ZDHHC18: variants seen among roughly 807,000 people sequenced by gnomAD.
ZDHHC18 encodes the protein palmitoyltransferase ZDHHC18.
ZDHHC18 carries 23 observed loss-of-function variants against 37.5 expected under a neutral mutation model. The ratio of observed to expected loss-of-function variants is 0.61; its 90% CI spans 0.44 to 0.87. The LOEUF is 0.87. Ranked by LOEUF, ZDHHC18 falls within the 40% of genes least tolerant of loss-of-function variation. The pLI is 0.00. For missense variants in ZDHHC18, 406 were observed against 525.6 expected, an observed-to-expected ratio of 0.77 and a Z score of 2.22; for synonymous variants, 185 against 218.7, an observed-to-expected ratio of 0.85 and a Z score of 1.36.
chr1:26,847,068 TG>T (rs1486138536), intron 2 of ZDHHC18, among the ~76,000 whole-genome samples: 5 of 151,350 alleles, frequency 3.3e-5, no homozygotes, highest in Non-Finnish European at 7.4e-5. Context: ...GTTAATTTTT[TG>T]TATTTTTAGT....
intron 2 of ZDHHC18, among the ~76,000 whole-genome samples, chr1:26,843,250 C>A (rs957033283): frequency 7.3e-5 from 11 of 150,330 alleles, no homozygotes; most frequent in Admixed American, 2.0e-4. Context: ...TCAAGCAATT[C>A]TCCTTTCTCA....
chr1:26,849,034 C>G (rs529837869), intron 3 of ZDHHC18, among the ~76,000 whole-genome samples: 3 of 152,320 alleles, frequency 2.0e-5, no homozygotes, highest in African/African-American at 7.2e-5. Context: ...ACCCTTCTCC[C>G]AGGCTTCAGC....
chr1:26,829,113 T>C (rs2081572196), intron 1 of ZDHHC18, among the ~76,000 whole-genome samples: 1 of 152,130 alleles, frequency 6.6e-6, no homozygotes, highest in Non-Finnish European at 1.5e-5. Context: ...CATTGGGGGC[T>C]GGTAGATTGG....
In ZDHHC18 at chr1:26,853,946, C is replaced by G; in HGVS notation, c.*103C>G. The G allele has an allele frequency of 1.0e-6, 1 of 995,924 alleles. No individual in the cohort carries two copies. Among genetic ancestry groups the G allele is most frequent in the Non-Finnish European group, 1.5e-6 (1 of 650,428 alleles). The allele number at this position is 995,924 out of a possible 1,614,324, so 61.7% of individuals were successfully genotyped here. A position where few individuals can be genotyped will look rare whatever the true frequency, so the allele number is the denominator to read the frequency against. On this transcript the variant is annotated 3_prime_UTR_variant, in exon 8 of 8. Coordinates refer to ENST00000374142, the MANE Select transcript of ZDHHC18 (RefSeq NM_032283.3). ...AAGGGAAGCAGAACTGCCAAAGACT[C>G]AAGTCTTTTCATATTTATTTCCCAT...
chr1:26,856,549 T>A lies in ZDHHC18; in HGVS notation c.*2706T>A, dbSNP rs572599148. Reference sequence around the variant, plus strand: ...GTGGAGGGTGAGGCTGGGGAGAGGATGGCGAACCTGCCCTGAGGTGCTTGG... The same window carrying A: ...GTGGAGGGTGAGGCTGGGGAGAGGAAGGCGAACCTGCCCTGAGGTGCTTGG... On this transcript the variant is annotated 3_prime_UTR_variant, in exon 8 of 8. Transcript: ENST00000374142. This position sits in a 1 kb window ranked among gnomAD's most constrained non-coding sequence, Gnocchi z 5.2. 1.5e-5 allele frequency: 3 copies of A among 204,866 alleles called. No homozygotes were observed. In the South Asian group the frequency reaches 1.9e-4, roughly 13 times the overall value. The allele number at this position is 204,866 out of a possible 1,614,324, so 12.7% of individuals were successfully genotyped here. A position where few individuals can be genotyped will look rare whatever the true frequency, so the allele number is the denominator to read the frequency against.
At chr1:26,843,688 G>A (rs566414079) in intron 2 of ZDHHC18, among the ~76,000 whole-genome samples, 16 of 151,836 alleles carry the variant, frequency 1.1e-4, no homozygotes, top group Non-Finnish European at 1.6e-4. Context: ...TCCTCAGGAG[G>A]CTGAGGCAGG....
intron 1 of ZDHHC18, among the ~76,000 whole-genome samples, chr1:26,829,469 G>A (rs2081574259): frequency 6.6e-6 from 1 of 152,114 alleles, no homozygotes; most frequent in Non-Finnish European, 1.5e-5. Context: ...CCTTCCTGCA[G>A]GTGGCCTCAT....
intron 1 of ZDHHC18, among the ~76,000 whole-genome samples, chr1:26,827,736 C>T (rs2081565213): frequency 2.0e-5 from 3 of 152,166 alleles, no homozygotes; most frequent in Non-Finnish European, 4.4e-5. Flanking sequence ...TGCTTCCCCT[C>T]AGCCACGCAC....
chr1:26,850,153 A>G lies in ZDHHC18; in HGVS notation c.647-148A>G. ...AGTGGGAACTGGTACACAAAGGACC[A>G]GAGGCAGGTGTGTCCAAGGCCTGGG... On this transcript the variant is annotated intron_variant, in intron 3 of 7. Coordinates refer to ENST00000374142, the MANE Select transcript of ZDHHC18 (RefSeq NM_032283.3). This position sits in a 1 kb window ranked among gnomAD's most constrained non-coding sequence, Gnocchi z 6.1. The G allele has an allele frequency of 3.3e-6, 3 of 910,710 alleles. No homozygotes were observed. The highest frequency in any genetic ancestry group is 5.0e-6 in the Non-Finnish European group (3 of 605,584). The allele number at this position is 910,710 out of a possible 1,614,324, so 56.4% of individuals were successfully genotyped here. A position where few individuals can be genotyped will look rare whatever the true frequency, so the allele number is the denominator to read the frequency against.
chr1:26,850,473 G>A lies in ZDHHC18; in HGVS notation c.784+35G>A. The A allele has an allele frequency of 6.2e-7, 1 of 1,614,206 alleles. No homozygotes were observed. The highest frequency in any genetic ancestry group is 2.2e-5 in the East Asian group (1 of 44,886). On this transcript the variant is annotated intron_variant, in intron 4 of 7. Coordinates refer to ENST00000374142, the MANE Select transcript of ZDHHC18 (RefSeq NM_032283.3). The surrounding 1 kb of genome is among the most constrained non-coding windows in gnomAD (Gnocchi z 6.1). ...GGGTGAGGGCAGTGGGGAGTGGAAG[G>A]GGTCAGCCAGCAAGCTCAAGGGTCA...
rs970185957 is a variant in ZDHHC18 at position 26,850,236 on chromosome 1, C to T, written c.647-65C>T. The T allele has an allele frequency of 4.5e-5, 71 of 1,575,158 alleles. No individual in the cohort carries two copies. The highest frequency in any genetic ancestry group is 5.4e-5 in the Non-Finnish European group (63 of 1,159,258). Reference sequence around the variant, plus strand: ...GGAAAGCCCCAGCCATGGGTGAGGCCGCCAAATGCCTGTGCTGGCTGCAGG... The same window carrying T: ...GGAAAGCCCCAGCCATGGGTGAGGCTGCCAAATGCCTGTGCTGGCTGCAGG... On this transcript the variant is annotated intron_variant, in intron 3 of 7. Coordinates refer to ENST00000374142, the MANE Select transcript of ZDHHC18 (RefSeq NM_032283.3). This position sits in a 1 kb window ranked among gnomAD's most constrained non-coding sequence, Gnocchi z 6.1.
At chr1:26,847,437 C>T (rs754099818) in intron 2 of ZDHHC18, among the ~76,000 whole-genome samples, 1 of 152,112 alleles carries the variant, frequency 6.6e-6, no homozygotes, top group Non-Finnish European at 1.5e-5. Context: ...ATCTTGAACT[C>T]CTGGGCTCAA....
rs2081615603 is a variant in ZDHHC18, at chr1:26,837,129, T to C, written c.496+4522T>C. On this transcript the variant is annotated intron_variant, in intron 2 of 7. Transcript: ENST00000374142. ...TTAGCTGGGTGTGGTGGCGGCCACC[T>C]GTAGTCCCAGCTACTCGGGAGGCTG... Among the ~76,000 whole-genome samples the C allele has an allele frequency of 2.0e-5, 3 of 147,784 alleles. No individual in the cohort carries two copies. The South Asian group carries it at 6.4e-4, about 31-fold the overall frequency.
intron 2 of ZDHHC18, among the ~76,000 whole-genome samples, chr1:26,839,566 A>G (rs1446366367): frequency 1.3e-5 from 2 of 152,200 alleles, no homozygotes; most frequent in Non-Finnish European, 2.9e-5. Context: ...CAAGGGTCCT[A>G]GTTTCAGCCC....
intron 3 of ZDHHC18, among the ~76,000 whole-genome samples, chr1:26,849,986 G>C (rs2081693967): frequency 6.6e-6 from 1 of 152,236 alleles, no homozygotes. Context: ...TGTGACAAAA[G>C]AGAAGTGATG....
chr1:26,832,052 C>T (rs1268862235), intron 1 of ZDHHC18: 1 of 164,952 alleles, frequency 6.1e-6, no homozygotes, highest in Non-Finnish European at 1.3e-5. Context: ...GAGAAGACCT[C>T]AGTAAATATT....
chr1:26,827,114 A>G lies in ZDHHC18; in HGVS notation c.310A>G (p.Thr104Ala). Residue 104 changes from threonine to alanine, a missense_variant, in exon 1 of 8, where the codon ACC becomes GCC. Physicochemically the swap from Thr to Ala is moderately conservative, Grantham distance 58. Coordinates refer to ENST00000374142, the MANE Select transcript of ZDHHC18 (RefSeq NM_032283.3). ...GCTCACGCTGCTGCTCATCCTCACC[A>G]CCACCGGCCTCTTCTTCGTCTTTGA... ...FALTLLLILT[T>A]TGLFFVFDCP... 2.1e-6 allele frequency: 3 copies of G among 1,413,618 alleles called. No individual in the cohort carries two copies. The highest frequency in any genetic ancestry group is 3.0e-5 in the Admixed American group (1 of 33,402). 87.6% of individuals were successfully genotyped at this position (1,413,618 alleles called of 1,614,324 possible). A position where few individuals can be genotyped will look rare whatever the true frequency, so the allele number is the denominator to read the frequency against.
In ZDHHC18 at chr1:26,855,770, A is replaced by G. The variant is rs12747620; in HGVS notation, c.*1927A>G. The G allele has an allele frequency of 0.13, 20,769 of 154,358 alleles. 1,513 individuals are homozygous for G. The highest frequency in any genetic ancestry group is 0.17 in the Non-Finnish European group (11,426 of 69,036). The allele number at this position is 154,358 out of a possible 1,614,324, so 9.6% of individuals were successfully genotyped here. ...TTGCTTTTCCTTTGCTGAGGCCCCA[A>G]CTGGGAGCCCTCTGTTCTTTCAGAC... On this transcript the variant is annotated 3_prime_UTR_variant, in exon 8 of 8. Coordinates refer to ENST00000374142, the MANE Select transcript of ZDHHC18 (RefSeq NM_032283.3).
chr1:26,848,575 G>A (rs1299927081), intron 2 of ZDHHC18, 33 bp from the exon 3 acceptor site: 3 of 1,597,956 alleles, frequency 1.9e-6, no homozygotes, highest in Non-Finnish European at 2.6e-6. Context: ...GCTGCCTTGG[G>A]CATTCCCCAT....
Sources: allele counts gnomAD v4.1 joint callset (sites outside exome capture counted in the v4.1 genomes callset), GRCh38; gene constraint gnomAD v4.1.1; non-coding constraint Gnocchi (gnomAD v3.1); transcripts MANE v1.5; gene names NCBI Gene and HGNC (gene_info 2026-07-23, HGNC 2026-07-21).